SLC17A1: variants seen among roughly 807,000 people sequenced by gnomAD.
SLC17A1 encodes solute carrier family 17 member 1.
Under a neutral mutation model 53.5 loss-of-function variants are expected in SLC17A1, and 51 were observed. The ratio of observed to expected loss-of-function variants is 0.95; its 90% CI spans 0.76 to 1.20. SLC17A1 has a LOEUF of 1.20. Ranked by LOEUF, SLC17A1 falls within the 50% of genes most tolerant of loss-of-function variation. The pLI is 0.00. For missense variants in SLC17A1, 538 were observed against 568.2 expected (o/e 0.95, Z 0.54); for synonymous variants, 179 against 198.8 (o/e 0.90, Z 0.84).
At chr6:25,727,387 C>A in the SLC17A1 span, 62 of 1,044,944 alleles carry the variant, frequency 5.9e-5, no homozygotes, top group Non-Finnish European at 8.4e-5. Context: ...TGTGTAGTTT[C>A]TAACCGTAAG....
At chr6:25,826,049 A>T (rs1764728818) in intron 3 of SLC17A1, among the ~76,000 whole-genome samples, 2 of 152,150 alleles carry the variant, frequency 1.3e-5, no homozygotes, top group African/African-American at 4.8e-5. Flanking sequence ...TGCTGCATCT[A>T]CATCTTCTGG....
intron 2 of SLC17A1, 143 bp from the exon 3 acceptor site, chr6:25,826,776 A>G: frequency 2.3e-6 from 1 of 438,060 alleles, no homozygotes; most frequent in Non-Finnish European, 3.9e-6. Context: ...GATAATTATT[A>G]TATAATAAGA....
At chr6:25,793,227 A>T (rs1763538523) in intron 12 of SLC17A1, among the ~76,000 whole-genome samples, 1 of 151,950 alleles carries the variant, frequency 6.6e-6, no homozygotes, top group African/African-American at 2.4e-5. Context: ...TGCTTGGAAT[A>T]CTCTTTCCCA....
chr6:25,814,750 G>A (rs1191789730), intron 6 of SLC17A1, among the ~76,000 whole-genome samples: 2 of 152,160 alleles, frequency 1.3e-5, no homozygotes, highest in East Asian at 1.9e-4. Flanking sequence ...TTGGAAGGCC[G>A]AGGCGGGCGG....
chr6:25,771,605 G>C, the SLC17A1 span, among the ~76,000 whole-genome samples: 2 of 151,938 alleles, frequency 1.3e-5, no homozygotes, highest in African/African-American at 4.8e-5. Flanking sequence ...TGTTATTTTA[G>C]TCAGATTACA....
chr6:25,754,247 T>G, the SLC17A1 span, among the ~76,000 whole-genome samples: 3 of 152,102 alleles, frequency 2.0e-5, no homozygotes, highest in South Asian at 6.2e-4. Context: ...AATCACAGAG[T>G]TAATTTTCAT....
the SLC17A1 span, chr6:25,777,871 G>T: frequency 6.9e-7 from 1 of 1,459,182 alleles, no homozygotes. Flanking sequence ...CGGGTATTGA[G>T]ACTTTCAAAC....
At chr6:25,743,096 A>C in the SLC17A1 span, among the ~76,000 whole-genome samples, 1 of 152,218 alleles carries the variant, frequency 6.6e-6, no homozygotes, top group Non-Finnish European at 1.5e-5. Context: ...AATGAGAATC[A>C]TCTCCATGTG....
At position 25,783,153 on chromosome 6, in the gene SLC17A1, A is replaced by T. The variant is rs1763303446; in HGVS notation, c.*68T>A. On this transcript the variant is annotated 3_prime_UTR_variant, in exon 13 of 13. Coordinates refer to ENST00000244527, the MANE Select transcript of SLC17A1 (RefSeq NM_005074.5). ...GTGACTGCCCCTCAGCCTCAGCCTC[A>T]TGTGCTGGTCCCTCTTCCCTTCAAT... The T allele has an allele frequency of 6.6e-6, 1 of 152,178 alleles. No individual in the cohort carries two copies. Among genetic ancestry groups the T allele is most frequent in the Non-Finnish European group, 1.5e-5 (1 of 68,036 alleles). 9.4% of individuals were successfully genotyped at this position (152,178 alleles called of 1,614,324 possible).
At chr6:25,771,074 A>G in the SLC17A1 span, 4 of 1,323,332 alleles carry the variant, frequency 3.0e-6, no homozygotes, top group Non-Finnish European at 4.4e-6. Flanking sequence ...CAATTTATCT[A>G]TGGTTAACCA....
chr6:25,752,180 T>C, the SLC17A1 span, among the ~76,000 whole-genome samples: 3 of 152,208 alleles, frequency 2.0e-5, no homozygotes, highest in African/African-American at 4.8e-5. Context: ...GTGGATACCA[T>C]AGAGTGCAGT....
intron 8 of SLC17A1, 98 bp downstream of exon 8, chr6:25,812,733 G>A: frequency 1.2e-6 from 1 of 820,970 alleles, no homozygotes; most frequent in Non-Finnish European, 1.9e-6. Context: ...CAGATAGTGT[G>A]AGGAGCTGGC....
At chr6:25,759,699 C>T in the SLC17A1 span, among the ~76,000 whole-genome samples, 6 of 152,162 alleles carry the variant, frequency 3.9e-5, no homozygotes, top group Non-Finnish European at 8.8e-5. Context: ...TACTCCTGCT[C>T]GCTTTTGGTG....
chr6:25,765,755 G>C, the SLC17A1 span, among the ~76,000 whole-genome samples: 1 of 152,062 alleles, frequency 6.6e-6, no homozygotes, highest in African/African-American at 2.4e-5. Flanking sequence ...ATGAAAACTA[G>C]TTAATTAAAC....
chr6:25,773,538 C>T, the SLC17A1 span: 1 of 1,613,890 alleles, frequency 6.2e-7, no homozygotes, highest in Admixed American at 1.7e-5. Context: ...TGGTCTCTTC[C>T]CATTAGGGCT....
intron 3 of SLC17A1, 77 bp downstream of exon 3, chr6:25,826,384 A>G: frequency 1.6e-6 from 2 of 1,239,024 alleles, no homozygotes; most frequent in Non-Finnish European, 2.2e-6. Context: ...TCATATCAGT[A>G]CAATTCCATA....
rs762365919 is a variant in SLC17A1, at chr6:25,800,915, G to A, written c.1244C>T (p.Thr415Ile). The change falls in exon 11 of 13, where the codon ACT becomes ATT. Residue 415 changes from threonine (T) to isoleucine (I), a missense_variant. Physicochemically the swap from Thr to Ile is moderately conservative, Grantham distance 89. Transcript: ENST00000244527. ...CTGCTTAAGGATCAATCCAGTCAAA[G>A]TGGAAGCAATTAGTCCTCCTATCAT... ...TGMIGGLIASTLTGLILKQDP... is the reference protein window; with the variant it reads ...TGMIGGLIASILTGLILKQDP... 3 of 1,608,048 alleles carry A rather than the reference G, an allele frequency of 1.9e-6. No homozygotes were observed. The Admixed American group carries it at 5.0e-5, about 27-fold the overall frequency.
At chr6:25,736,566 G>C in the SLC17A1 span, among the ~76,000 whole-genome samples, 15 of 152,076 alleles carry the variant, frequency 9.9e-5, no homozygotes, top group South Asian at 2.1e-4. Flanking sequence ...GGTATGGCTG[G>C]TGCTTTGAGA....
rs56675688 is a variant in SLC17A1, at chr6:25,811,370, T to TA, written c.1178+27dup. 61 of 1,576,588 alleles carry TA rather than the reference T, an allele frequency of 3.9e-5. 1 individual carries two copies. The highest frequency in any genetic ancestry group is 2.8e-4 in the South Asian group (24 of 86,138). On this transcript the variant is annotated intron_variant, in intron 10 of 12. Transcript: ENST00000244527. ...TATACAATATTTATTTGTTAAAGGT[T>TA]AAAAAAAAGCGTATAAACAAATCCT...
Sources: allele counts gnomAD v4.1 joint callset (sites outside exome capture counted in the v4.1 genomes callset), GRCh38; gene constraint gnomAD v4.1.1; transcripts MANE v1.5; gene names NCBI Gene and HGNC (gene_info 2026-07-23, HGNC 2026-07-21).